DNAJB14: variants seen among roughly 807,000 people sequenced by gnomAD.
The protein encoded by DNAJB14 is dnaJ homolog subfamily B member 14.
Under a neutral mutation model 48.4 loss-of-function variants are expected in DNAJB14, and 22 were observed. The observed-to-expected ratio is 0.45, with a 90% confidence interval of 0.32 to 0.65. The LOEUF is 0.65. Among genes scored for constraint, DNAJB14 ranks in the 30% least tolerant of loss-of-function variants. DNAJB14 has a pLI of 0.03. For synonymous variants in DNAJB14, 142 were observed against 158.7 expected (o/e 0.89, Z 0.79); for missense variants, 319 against 458.8 (o/e 0.70, Z 2.78).
At chr4:99,942,788 T>TA (rs1042371718) in intron 1 of DNAJB14, among the ~76,000 whole-genome samples, 2 of 152,132 alleles carry the variant, frequency 1.3e-5, no homozygotes, top group Non-Finnish European at 2.9e-5. Flanking sequence ...AGCAGGAATT[T>TA]AGTCTCATGT....
At chr4:99,932,205 C>T (rs1460979714) in intron 1 of DNAJB14, among the ~76,000 whole-genome samples, 1 of 151,620 alleles carries the variant, frequency 6.6e-6, no homozygotes, top group Non-Finnish European at 1.5e-5. Flanking sequence ...TTTTGTACTT[C>T]AAAGGCTATA....
chr4:99,925,560 C>T (rs1359936724), intron 2 of DNAJB14: 2 of 151,998 alleles, frequency 1.3e-5, no homozygotes, highest in Non-Finnish European at 2.9e-5. Context: ...AGTAAATTGC[C>T]TAAATTCACA....
intron 5 of DNAJB14, 72 bp from the exon 6 acceptor site, chr4:99,905,778 C>T (rs1319579956): frequency 8.1e-6 from 12 of 1,486,318 alleles, no homozygotes; most frequent in South Asian, 1.2e-5. Context: ...AGTTGTCATA[C>T]ATTTTGAGGC....
intron 1 of DNAJB14, 130 bp from the exon 2 acceptor site, chr4:99,930,751 AT>A: frequency 2.3e-6 from 2 of 872,416 alleles, no homozygotes; most frequent in East Asian, 5.5e-5. Context: ...GATCTTTTTA[AT>A]TAGCACGCAT....
At position 99,923,826 on chromosome 4, in the gene DNAJB14, ACTGCACC is replaced by A; in HGVS notation, c.306-648_306-642del. ...AGTGCTGGGATTATAGGCATAAACC[ACTGCACC>A]CGGCCATCCCCGTTATGCCAAAGAT... On this transcript the variant is annotated intron_variant, in intron 2 of 7. Transcript: ENST00000442697. 3 of 983,868 alleles carry A rather than the reference ACTGCACC, an allele frequency of 3.0e-6. No homozygotes were observed. In the South Asian group the frequency reaches 1.4e-4, roughly 46 times the overall value. 60.9% of individuals were successfully genotyped at this position (983,868 alleles called of 1,614,324 possible).
At position 99,897,231 on chromosome 4, in the gene DNAJB14, T is replaced by C. The variant is rs1437360789; in HGVS notation, c.*3797A>G. The C allele has an allele frequency of 6.8e-6, 1 of 147,890 alleles. No homozygotes were observed. Among genetic ancestry groups the C allele is most frequent in the East Asian group, 2.0e-4 (1 of 5,108 alleles). The allele number at this position is 147,890 out of a possible 1,614,324, so 9.2% of individuals were successfully genotyped here. A position where few individuals can be genotyped will look rare whatever the true frequency, so the allele number is the denominator to read the frequency against. ...ATATATATATATATACACCTATACA[T>C]AGACACATCCACAGAATATTCACAA... On this transcript the variant is annotated 3_prime_UTR_variant, in exon 8 of 8. Coordinates refer to ENST00000442697, the MANE Select transcript of DNAJB14 (RefSeq NM_001031723.4).
Position 99,905,709 on chromosome 4 carries a change from A to G in DNAJB14, c.733-3T>C, listed in dbSNP as rs2110193499. 6.2e-7 allele frequency: 1 copy of G among 1,608,710 alleles called. No individual in the cohort carries two copies. The highest frequency in any genetic ancestry group is 2.2e-5 in the East Asian group (1 of 44,782). ...TGGATAAACACAGAAAAACCTCCCT[A>G]TAAAAAATGATCAAAGAATAACAAA... is the stretch of plus-strand genomic sequence containing the variant. On this transcript the variant is annotated splice_polypyrimidine_tract_variant and splice_region_variant and intron_variant, in intron 5 of 7. Transcript: ENST00000442697.
Position 99,901,105 on chromosome 4 carries a change from G to A in DNAJB14, c.1063C>T (p.Arg355Ter), listed in dbSNP as rs553680394. Residue 355 changes from arginine to a stop codon, truncating the protein, a stop_gained, in exon 8 of 8, where the codon CGA (arginine) becomes TGA (stop). Coordinates refer to ENST00000442697, the MANE Select transcript of DNAJB14 (RefSeq NM_001031723.4). LOFTEE classifies it high-confidence loss of function. ...ATGCTCAAGGCATCTGCCTTCCTTC[G>A]GAGTCGATCATCACGGTATACTTTT... The part of the protein sequence containing the change: ...AAKVYRDDRL[R>*]RKADALSMDN... The A allele has an allele frequency of 2.5e-6, 4 of 1,610,762 alleles. No individual in the cohort carries two copies. The highest frequency in any genetic ancestry group is 1.3e-5 in the African/African-American group (1 of 74,818).
intron 1 of DNAJB14, among the ~76,000 whole-genome samples, chr4:99,939,584 G>A (rs1379851107): frequency 6.6e-6 from 1 of 152,178 alleles, no homozygotes; most frequent in East Asian, 1.9e-4. Context: ...CAGTTACTAT[G>A]ATAATGAAGA....
intron 4 of DNAJB14, among the ~76,000 whole-genome samples, chr4:99,907,812 A>G (rs879354611): frequency 6.6e-6 from 1 of 152,172 alleles, no homozygotes; most frequent in Non-Finnish European, 1.5e-5. Context: ...CCTGAAGTAA[A>G]TTTTGTAAAC....
chr4:99,904,510 C>G (rs185329826), intron 6 of DNAJB14, among the ~76,000 whole-genome samples: 4 of 152,170 alleles, frequency 2.6e-5, no homozygotes, highest in Non-Finnish European at 4.4e-5. Flanking sequence ...ATATATAAAA[C>G]ATAAATTTCA....
chr4:99,930,012 A>G (rs1314829586), intron 2 of DNAJB14: 1 of 152,382 alleles, frequency 6.6e-6, no homozygotes, highest in Non-Finnish European at 1.5e-5. Flanking sequence ...ATATAAAGAT[A>G]GCCCTTCAAA....
chr4:99,920,412 C>G (rs17029658), intron 3 of DNAJB14, among the ~76,000 whole-genome samples: 2 of 152,132 alleles, frequency 1.3e-5, no homozygotes, highest in Non-Finnish European at 2.9e-5. Flanking sequence ...ACTTGTCAAG[C>G]AAACACATAA....
At chr4:99,929,809 CACA>C (rs1175152260) in intron 2 of DNAJB14, 1 of 152,146 alleles carries the variant, frequency 6.6e-6, no homozygotes, top group Non-Finnish European at 1.5e-5. Flanking sequence ...GTAATATCAG[CACA>C]ACATCAATAC....
chr4:99,906,221 T>C lies in DNAJB14; in HGVS notation c.732+296A>G, dbSNP rs17029643. ...ACCTCCAATTCAAGTTTTTCAGTAC[T>C]CTAAATTCTTCAGGGCCAACAATAA... is the stretch of plus-strand genomic sequence containing the variant. On this transcript the variant is annotated intron_variant, in intron 5 of 7. Transcript: ENST00000442697. 2.2e-3 allele frequency: 3,021 copies of C among 1,354,208 alleles called. 208 individuals are homozygous for C. The East Asian group carries it at 0.11, about 48-fold the overall frequency. 83.9% of individuals were successfully genotyped at this position (1,354,208 alleles called of 1,614,324 possible).
intron 3 of DNAJB14, among the ~76,000 whole-genome samples, chr4:99,914,042 G>C (rs1725763422): frequency 6.6e-6 from 1 of 152,082 alleles, no homozygotes; most frequent in African/African-American, 2.4e-5. Flanking sequence ...GGGTGTCCTG[G>C]CTTTATAACA....
chr4:99,902,586 T>C (rs1284506061), intron 7 of DNAJB14, among the ~76,000 whole-genome samples: 1 of 152,122 alleles, frequency 6.6e-6, no homozygotes, highest in African/African-American at 2.4e-5. Flanking sequence ...TCTTAGAAGT[T>C]ACATTTTATC....
At position 99,897,038 on chromosome 4, in the gene DNAJB14, AAG is replaced by A. The variant is rs1262099650; in HGVS notation, c.*3988_*3989del. ...GGAATCTCTCCATTAAAATATGAAA[AAG>A]AGCAACAAATAATTCACACCAATGA... On this transcript the variant is annotated 3_prime_UTR_variant, in exon 8 of 8. Transcript: ENST00000442697. 2 of 152,104 alleles carry A rather than the reference AAG, an allele frequency of 1.3e-5. No homozygotes were observed. The highest frequency in any genetic ancestry group is 2.9e-5 in the Non-Finnish European group (2 of 67,962). 9.4% of individuals were successfully genotyped at this position (152,104 alleles called of 1,614,324 possible).
At chr4:99,918,573 C>CATCTCATT (rs1725940019) in intron 3 of DNAJB14, among the ~76,000 whole-genome samples, 1 of 152,046 alleles carries the variant, frequency 6.6e-6, no homozygotes, top group African/African-American at 2.4e-5. Flanking sequence ...GGGGGAATAC[C>CATCTCATT]ATCTCATTGT....
Sources: gnomAD v4.1 joint callset for allele counts (sites outside exome capture counted in the v4.1 genomes callset) on GRCh38, gnomAD v4.1.1 for gene constraint, MANE v1.5 for transcripts, NCBI Gene and HGNC (gene_info 2026-07-23, HGNC 2026-07-21) for gene names.